The following HMGCLL1 variants were observed in gnomAD, a reference collection of about 807,000 sequenced individuals.
HMGCLL1 encodes 3-hydroxy-3-methylglutaryl-CoA lyase like 1.
HMGCLL1 carries 36 observed loss-of-function variants against 39.1 expected under a neutral mutation model. That is an observed-to-expected ratio of 0.92 (90% CI 0.71 to 1.22). The LOEUF is 1.22. Ranked by LOEUF, HMGCLL1 falls within the 50% of genes most tolerant of loss-of-function variation. The pLI, the probability that HMGCLL1 is intolerant of heterozygous loss-of-function variation, is 0.00. For synonymous variants in HMGCLL1, 149 were observed against 144.0 expected (o/e 1.03, Z -0.25); for missense variants, 451 against 416.5 (o/e 1.08, Z -0.72).
chr6:55,575,806 G>T (rs1771733965), intron 1 of HMGCLL1, among the ~76,000 whole-genome samples: 2 of 152,134 alleles, frequency 1.3e-5, no homozygotes, highest in Admixed American at 6.6e-5. Context: ...TTGGTGCTAA[G>T]ATCAAACTCT....
chr6:55,542,701 C>G (rs896263914), intron 1 of HMGCLL1, among the ~76,000 whole-genome samples: 3 of 150,724 alleles, frequency 2.0e-5, no homozygotes, highest in Non-Finnish European at 4.4e-5. Context: ...ATCACTTGAA[C>G]CCAGGAGGCG....
chr6:55,534,403 T>C (rs1768886889), intron 3 of HMGCLL1, among the ~76,000 whole-genome samples: 1 of 152,152 alleles, frequency 6.6e-6, no homozygotes, highest in Non-Finnish European at 1.5e-5. Flanking sequence ...ACTCAACTAA[T>C]AGCTTATGAA....
At chr6:55,499,609 T>A (rs1489290572) in intron 5 of HMGCLL1, among the ~76,000 whole-genome samples, 1 of 152,038 alleles carries the variant, frequency 6.6e-6, no homozygotes, top group African/African-American at 2.4e-5. Flanking sequence ...AAAATACCAG[T>A]GAAATATATG....
At chr6:55,545,727 C>T (rs1315281530) in intron 1 of HMGCLL1, among the ~76,000 whole-genome samples, 1 of 152,004 alleles carries the variant, frequency 6.6e-6, no homozygotes, top group Non-Finnish European at 1.5e-5. Context: ...TTATTGAATT[C>T]TACGTGCTTG....
At chr6:55,590,762 C>T in the HMGCLL1 span, among the ~76,000 whole-genome samples, 1 of 151,770 alleles carries the variant, frequency 6.6e-6, no homozygotes, top group African/African-American at 2.4e-5. Context: ...AACATATATA[C>T]TAAAGACACT....
At position 55,434,490 on chromosome 6, in the gene HMGCLL1, C is replaced by A. The variant is rs7739356; in HGVS notation, c.*1172G>T. 1.3e-5 allele frequency: 2 copies of A among 151,916 alleles called. No individual in the cohort carries two copies. Among genetic ancestry groups the A allele is most frequent in the Non-Finnish European group, 2.9e-5 (2 of 67,958 alleles). The allele number at this position is 151,916 out of a possible 1,614,324, so 9.4% of individuals were successfully genotyped here. A position where few individuals can be genotyped will look rare whatever the true frequency, so the allele number is the denominator to read the frequency against. On this transcript the variant is annotated 3_prime_UTR_variant, in exon 9 of 9. Transcript: ENST00000274901. ...AAATTTACTCAAAGATAATATCACC[C>A]GGTATTATTAGAGAAGTCTCTCTAA...
chr6:55,627,049 G>GAAAAAAA, the HMGCLL1 span, among the ~76,000 whole-genome samples: 1 of 85,808 alleles, frequency 1.2e-5, no homozygotes, highest in Non-Finnish European at 2.2e-5. Context: ...CACTCCACCA[G>GAAAAAAA]AAAAAAAAAA....
At chr6:55,543,559 T>C (rs1228971628) in intron 1 of HMGCLL1, among the ~76,000 whole-genome samples, 1 of 119,750 alleles carries the variant, frequency 8.4e-6, no homozygotes, top group African/African-American at 3.0e-5. Flanking sequence ...TATATATTTA[T>C]ATATTTTTAT....
chr6:55,646,965 T>A, the HMGCLL1 span, among the ~76,000 whole-genome samples: 1 of 152,094 alleles, frequency 6.6e-6, no homozygotes, highest in East Asian at 1.9e-4. Context: ...GAAGATCTAT[T>A]CAATGCTGAA....
At chr6:55,603,295 C>T in the HMGCLL1 span, among the ~76,000 whole-genome samples, 2 of 152,006 alleles carry the variant, frequency 1.3e-5, no homozygotes, top group Non-Finnish European at 2.9e-5. Context: ...CTAACTCATT[C>T]TTACTTGATA....
intron 7 of HMGCLL1, among the ~76,000 whole-genome samples, chr6:55,448,454 A>AT (rs1286042117): frequency 4.0e-5 from 6 of 151,746 alleles, no homozygotes; most frequent in South Asian, 2.1e-4. Context: ...GTGCTTCTAG[A>AT]TTTTTTTCCA....
the HMGCLL1 span, among the ~76,000 whole-genome samples, chr6:55,669,882 A>G: frequency 2.6e-5 from 4 of 151,818 alleles, no homozygotes; most frequent in African/African-American, 9.7e-5. Context: ...ATATTTAACA[A>G]TGATGTTGTT....
At chr6:55,530,124 T>G (rs570690217) in intron 3 of HMGCLL1, among the ~76,000 whole-genome samples, 1 of 152,242 alleles carries the variant, frequency 6.6e-6, no homozygotes, top group African/African-American at 2.4e-5. Context: ...AATATATTTC[T>G]TACTACGTAT....
chr6:55,617,220 GT>G, the HMGCLL1 span, among the ~76,000 whole-genome samples: 1 of 152,162 alleles, frequency 6.6e-6, no homozygotes, highest in South Asian at 2.1e-4. Context: ...TGTCTTGCTT[GT>G]TTTCTTGGCA....
At chr6:55,642,726 G>A in the HMGCLL1 span, among the ~76,000 whole-genome samples, 75 of 152,094 alleles carry the variant, frequency 4.9e-4, 1 homozygote, top group East Asian at 0.014. Context: ...AGATTGTTTT[G>A]TCACCCAGGA....
At chr6:55,518,893 T>C (rs80115831) in intron 3 of HMGCLL1, among the ~76,000 whole-genome samples, 3,697 of 152,250 alleles carry the variant, frequency 0.024, 79 homozygotes, top group Admixed American at 0.036. Context: ...TTAGTGAGCA[T>C]AGTAAATGTT....
chr6:55,650,090 C>CATATAT, the HMGCLL1 span, among the ~76,000 whole-genome samples: 104 of 52,206 alleles, frequency 2.0e-3, no homozygotes, highest in African/African-American at 4.3e-3. Flanking sequence ...CACACATATA[C>CATATAT]ATATATATAT....
chr6:55,459,917 T>G (rs1764484387), intron 7 of HMGCLL1, among the ~76,000 whole-genome samples: 1 of 152,036 alleles, frequency 6.6e-6, no homozygotes, highest in Admixed American at 6.6e-5. Context: ...GTATTTTGGT[T>G]ACATTATAGA....
rs561622902 is a variant in HMGCLL1 at position 55,567,755 on chromosome 6, T to C, written c.108+11193A>G. The stretch of plus-strand genomic sequence containing the variant: ...GAGATAGAAGCTCTAGGCGTTCTGT[T>C]TCTCATAACACTTTGTCCCTCCTCT... On this transcript the variant is annotated intron_variant, in intron 1 of 8. Transcript: ENST00000274901. Among the ~76,000 whole-genome samples, 526 of 152,262 alleles carry C rather than the reference T, an allele frequency of 3.5e-3. 2 individuals carry two copies. Among genetic ancestry groups the C allele is most frequent in the African/African-American group, 0.012 (514 of 41,566 alleles).
Sources: gnomAD v4.1 joint callset for allele counts (sites outside exome capture counted in the v4.1 genomes callset) on GRCh38, gnomAD v4.1.1 for gene constraint, MANE v1.5 for transcripts, NCBI Gene and HGNC (gene_info 2026-07-23, HGNC 2026-07-21) for gene names.